The following CCDC144A variants were observed in gnomAD, a reference collection of about 807,000 sequenced individuals.
CCDC144A encodes coiled-coil domain-containing protein 144A.
CCDC144A carries 41 observed loss-of-function variants against 143.8 expected under a neutral mutation model. The observed-to-expected ratio is 0.29, with a 90% CI of 0.22 to 0.37. The LOEUF (loss-of-function observed/expected upper bound fraction) is 0.37. Among genes scored for constraint, CCDC144A ranks in the 10% least tolerant of loss-of-function variants. CCDC144A has a pLI of 1.00. For missense variants in CCDC144A, 637 were observed against 1,488.8 expected, an observed-to-expected ratio of 0.43 and a Z score of 9.41; for synonymous variants, 242 against 517.9, an observed-to-expected ratio of 0.47 and a Z score of 7.23.
chr17:16,678,586 T>TTTCTTTC, the CCDC144A span, among the ~76,000 whole-genome samples: 12 of 88,542 alleles, frequency 1.4e-4, no homozygotes, highest in South Asian at 5.2e-4. Flanking sequence ...TTTTCTTTTC[T>TTTCTTTC]TTTTTTTTTT....
chr17:16,713,824 A>T (rs1214648627), intron 6 of CCDC144A, among the ~76,000 whole-genome samples: 3 of 152,178 alleles, frequency 2.0e-5, no homozygotes, highest in Non-Finnish European at 2.9e-5. Flanking sequence ...ACAAGAAGAA[A>T]ATTAGATCAT....
At chr17:16,753,447 T>TTTTTTTTTTTTTTTA (rs1597585186) in intron 12 of CCDC144A, among the ~76,000 whole-genome samples, 1 of 131,556 alleles carries the variant, frequency 7.6e-6, no homozygotes, top group Non-Finnish European at 1.5e-5. Context: ...TTTTTTTTTT[T>TTTTTTTTTTTTTTTA]TTTTTTTTTG....
chr17:16,772,821 A>T, intron 16 of CCDC144A: 1 of 1,237,338 alleles, frequency 8.1e-7, no homozygotes, highest in Non-Finnish European at 1.1e-6. Context: ...CAGGGTATCT[A>T]TGACTTGGTA....
intron 15 of CCDC144A, among the ~76,000 whole-genome samples, chr17:16,768,495 C>T: frequency 6.6e-6 from 1 of 152,222 alleles, no homozygotes; most frequent in Middle Eastern, 3.4e-3. Flanking sequence ...GTTATGGAGG[C>T]CTGCGTTAGT....
intron 2 of CCDC144A, among the ~76,000 whole-genome samples, chr17:16,702,578 A>G (rs958837661): frequency 2.6e-5 from 4 of 152,176 alleles, no homozygotes; most frequent in African/African-American, 9.7e-5. Flanking sequence ...AGACCTACAC[A>G]ACAAAATGTA....
chr17:16,717,154 G>A (rs1215174798), intron 6 of CCDC144A, among the ~76,000 whole-genome samples: 1 of 125,414 alleles, frequency 8.0e-6, no homozygotes, highest in Non-Finnish European at 1.6e-5. Context: ...GTCTCACTCT[G>A]TCACCAGGCT....
chr17:16,746,189 C>G, intron 12 of CCDC144A: 1 of 1,503,158 alleles, frequency 6.7e-7, no homozygotes, highest in African/African-American at 1.4e-5. Context: ...TGGTTGGTTC[C>G]TCTCCCTTTT....
intron 8 of CCDC144A, among the ~76,000 whole-genome samples, chr17:16,724,100 G>C (rs866464706): frequency 1.3e-5 from 2 of 151,504 alleles, no homozygotes; most frequent in African/African-American, 4.9e-5. Flanking sequence ...TTTGACCTAG[G>C]GTTATTTAGA....
At chr17:16,673,447 C>T in the CCDC144A span, among the ~76,000 whole-genome samples, 1 of 149,224 alleles carries the variant, frequency 6.7e-6, no homozygotes, top group Non-Finnish European at 1.5e-5. Context: ...AGTACAGTGG[C>T]GCCACAGTGG....
chr17:16,756,110 G>A (rs1054735542), intron 12 of CCDC144A, among the ~76,000 whole-genome samples: 1 of 152,068 alleles, frequency 6.6e-6, no homozygotes, highest in African/African-American at 2.4e-5. Context: ...ATTTCTTTGG[G>A]GATCTTTGAG....
chr17:16,746,377 T>A, intron 12 of CCDC144A: 1 of 1,379,640 alleles, frequency 7.2e-7, no homozygotes, highest in Non-Finnish European at 1.0e-6. Flanking sequence ...CTTCTCGAAT[T>A]CTCTGCTTTT....
intron 2 of CCDC144A, among the ~76,000 whole-genome samples, chr17:16,697,706 GT>G (rs1249257964): frequency 3.3e-5 from 5 of 151,980 alleles, no homozygotes; most frequent in Non-Finnish European, 7.4e-5. Context: ...ATTAATAGTT[GT>G]TTTTTCCCTA....
chr17:16,681,589 G>C, the CCDC144A span, among the ~76,000 whole-genome samples: 1 of 152,126 alleles, frequency 6.6e-6, no homozygotes, highest in Non-Finnish European at 1.5e-5. Context: ...CGGGCATGGT[G>C]GCTCACGCCT....
rs1247578129 is a variant in CCDC144A, at chr17:16,774,242, C to A, written c.*609C>A. The A allele has an allele frequency of 6.6e-6, 1 of 150,970 alleles. No individual in the cohort carries two copies. Among genetic ancestry groups the A allele is most frequent in the Non-Finnish European group, 1.5e-5 (1 of 67,982 alleles). The allele number at this position is 150,970 out of a possible 1,614,324, so 9.4% of individuals were successfully genotyped here. ...GGAAAAACAGCTTTCCCCCTGTGGG[C>A]CATTTGAGAGTAAATTGCTGACATT... On this transcript the variant is annotated 3_prime_UTR_variant, in exon 17 of 17. Transcript: ENST00000399273.
chr17:16,684,043 A>C, the CCDC144A span: 1 of 907,210 alleles, frequency 1.1e-6, no homozygotes, highest in Non-Finnish European at 1.9e-6. Context: ...CCATTGAACA[A>C]GCACAGACTC....
intron 12 of CCDC144A, among the ~76,000 whole-genome samples, chr17:16,740,452 A>G (rs1321471149): frequency 6.6e-6 from 1 of 152,240 alleles, no homozygotes; most frequent in Middle Eastern, 3.2e-3. Context: ...ACTGGAAATC[A>G]GGTCATGTCC....
At chr17:16,682,883 G>GTTTTTTTTTTTTTTTTTTTT in the CCDC144A span, among the ~76,000 whole-genome samples, 4 of 46,456 alleles carry the variant, frequency 8.6e-5, 1 homozygote, top group Middle Eastern at 0.017. Flanking sequence ...TGGATTCTCT[G>GTTTTTTTTTTTTTTTTTTTT]TTTTTTTTTT....
At chr17:16,678,788 CTT>C in the CCDC144A span, among the ~76,000 whole-genome samples, 1 of 123,736 alleles carries the variant, frequency 8.1e-6, no homozygotes, top group Admixed American at 9.6e-5. Context: ...GAGTTTTGCT[CTT>C]GTCGCCCAGG....
chr17:16,696,644 A>AG (rs970664120), intron 2 of CCDC144A, among the ~76,000 whole-genome samples: 7 of 151,472 alleles, frequency 4.6e-5, no homozygotes, highest in African/African-American at 1.7e-4. Flanking sequence ...AAAAAAAAAA[A>AG]AAAAGAAAAG....
Sources: allele counts gnomAD v4.1 joint callset (sites outside exome capture counted in the v4.1 genomes callset), GRCh38; gene constraint gnomAD v4.1.1; transcripts MANE v1.5; gene names NCBI Gene and HGNC (gene_info 2026-07-23, HGNC 2026-07-21).